CNTN1: variants seen among roughly 807,000 people sequenced by gnomAD.
CNTN1 encodes the protein contactin 1, also known as contactin-1.
A neutral mutation model predicts 126.4 loss-of-function variants in CNTN1; 38 were observed. That is an observed-to-expected ratio of 0.30 (90% confidence interval 0.23 to 0.39). CNTN1 has a LOEUF of 0.39. CNTN1 is among the 10% of genes least tolerant of loss of function. CNTN1 has a pLI of 1.00. For synonymous variants in CNTN1, 413 were observed against 422.6 expected (o/e 0.98, Z 0.28); for missense variants, 1,009 against 1,248.4 (o/e 0.81, Z 2.89).
chr12:40,972,437 G>A (rs1013478320), intron 15 of CNTN1: 4 of 983,370 alleles, frequency 4.1e-6, no homozygotes, highest in South Asian at 9.4e-5. Context: ...TCTTAGACAG[G>A]TTTGTGTTTA....
chr12:41,025,458 C>T (rs1031010570), intron 21 of CNTN1, 122 bp downstream of exon 21: 1 of 910,198 alleles, frequency 1.1e-6, no homozygotes, highest in Admixed American at 1.8e-5. Context: ...ATATCCTTTA[C>T]AGCCACACAA....
chr12:40,807,419 A>G (rs1940900086), intron 1 of CNTN1, among the ~76,000 whole-genome samples: 1 of 152,080 alleles, frequency 6.6e-6, no homozygotes, highest in African/African-American at 2.4e-5. Context: ...CATGGTAGAC[A>G]TTTCCAAAGA....
intron 6 of CNTN1, among the ~76,000 whole-genome samples, chr12:40,925,942 A>G (rs1945668338): frequency 6.7e-6 from 1 of 150,040 alleles, no homozygotes. Context: ...CTATCCAGTG[A>G]CTACATTTGA....
intron 15 of CNTN1, among the ~76,000 whole-genome samples, chr12:40,974,397 C>T (rs1947614296): frequency 6.6e-6 from 1 of 151,676 alleles, no homozygotes; most frequent in East Asian, 1.9e-4. Flanking sequence ...AGCCCAGGAG[C>T]TCAAGGCCAG....
rs200899394 is a variant in CNTN1, at chr12:40,970,414, C to CT, written c.1805-10487dup. ...CTTAAAATGTCAAATGTCTTACGAC[C>CT]TTTTTTTTACTATTTACCGTAAGGA... On this transcript the variant is annotated intron_variant, in intron 15 of 23. Transcript: ENST00000551295. Among the ~76,000 whole-genome samples, 159 of 151,864 alleles carry CT rather than the reference C, an allele frequency of 1.0e-3. 1 individual carries two copies. In the East Asian group the frequency reaches 0.018, roughly 17 times the overall value.
intron 4 of CNTN1, 131 bp from the exon 5 acceptor site, chr12:40,922,125 C>G: frequency 1.3e-6 from 1 of 753,306 alleles, no homozygotes; most frequent in Non-Finnish European, 2.3e-6. Flanking sequence ...AAAGAAATAC[C>G]ACCTGAATCA....
chr12:40,885,636 T>G (rs916232555), intron 1 of CNTN1, among the ~76,000 whole-genome samples: 15 of 152,008 alleles, frequency 9.9e-5, no homozygotes, highest in African/African-American at 3.6e-4. Flanking sequence ...ATTAAATGTA[T>G]TTACAGTGGT....
intron 1 of CNTN1, among the ~76,000 whole-genome samples, chr12:40,832,847 G>T (rs1182687376): frequency 2.0e-5 from 3 of 151,958 alleles, no homozygotes; most frequent in Non-Finnish European, 4.4e-5. Context: ...TATCCACTTG[G>T]CTAATCACCC....
chr12:40,786,800 A>G (rs1199347955), intron 1 of CNTN1, among the ~76,000 whole-genome samples: 1 of 152,136 alleles, frequency 6.6e-6, no homozygotes, highest in Non-Finnish European at 1.5e-5. Context: ...AAGATACTAG[A>G]ATGTGGGATC....
At chr12:41,032,992 A>T (rs1449257212) in intron 23 of CNTN1, among the ~76,000 whole-genome samples, 2 of 152,236 alleles carry the variant, frequency 1.3e-5, no homozygotes, top group African/African-American at 4.8e-5. Flanking sequence ...ACTTAAAACT[A>T]TAGTTTTCAT....
At chr12:40,945,736 G>T (rs1203467105) in intron 14 of CNTN1, among the ~76,000 whole-genome samples, 1 of 149,398 alleles carries the variant, frequency 6.7e-6, no homozygotes, top group Non-Finnish European at 1.5e-5. Context: ...AAAAAAAACA[G>T]GAAAACAAAG....
chr12:40,808,596 A>G (rs1183950382), intron 1 of CNTN1, among the ~76,000 whole-genome samples: 2 of 152,212 alleles, frequency 1.3e-5, no homozygotes, highest in Non-Finnish European at 2.9e-5. Flanking sequence ...TTAATTATTA[A>G]TGATGACTGT....
intron 1 of CNTN1, among the ~76,000 whole-genome samples, chr12:40,843,108 C>G (rs1942352576): frequency 6.6e-6 from 1 of 152,136 alleles, no homozygotes; most frequent in Non-Finnish European, 1.5e-5. Flanking sequence ...CCAATGAAAA[C>G]TAACTCCTTT....
intron 1 of CNTN1, among the ~76,000 whole-genome samples, chr12:40,732,633 A>G (rs1942529059): frequency 6.6e-6 from 1 of 152,100 alleles, no homozygotes; most frequent in South Asian, 2.1e-4. Flanking sequence ...AAGAACATTG[A>G]AATCCATATT....
At chr12:40,855,381 C>T (rs939717310) in intron 1 of CNTN1, among the ~76,000 whole-genome samples, 6 of 151,904 alleles carry the variant, frequency 3.9e-5, no homozygotes, top group Admixed American at 2.6e-4. Flanking sequence ...ATTCAATGCT[C>T]GTCATTATCT....
chr12:41,017,122 T>C (rs1186891341), intron 19 of CNTN1, among the ~76,000 whole-genome samples: 1 of 152,172 alleles, frequency 6.6e-6, no homozygotes, highest in Non-Finnish European at 1.5e-5. Context: ...TTTTTCATCA[T>C]TTAGATCATG....
chr12:40,916,925 G>A (rs1405914781), intron 3 of CNTN1, among the ~76,000 whole-genome samples: 1 of 151,978 alleles, frequency 6.6e-6, no homozygotes, highest in Non-Finnish European at 1.5e-5. Flanking sequence ...TGGTGGTTAT[G>A]GAATATGTCT....
intron 3 of CNTN1, among the ~76,000 whole-genome samples, chr12:40,915,944 A>G (rs962652243): frequency 6.6e-6 from 1 of 152,254 alleles, no homozygotes; most frequent in African/African-American, 2.4e-5. Context: ...AAGTGTATGC[A>G]TACTTGCAAC....
chr12:41,027,710 A>T, intron 21 of CNTN1, 147 bp from the exon 22 acceptor site: 1 of 691,446 alleles, frequency 1.4e-6, no homozygotes, highest in South Asian at 1.5e-5. Flanking sequence ...TAAAGTGCTT[A>T]GCATAGTGCC....
Sources: allele counts gnomAD v4.1 joint callset (sites outside exome capture counted in the v4.1 genomes callset), GRCh38; gene constraint gnomAD v4.1.1; transcripts MANE v1.5; gene names NCBI Gene and HGNC (gene_info 2026-07-23, HGNC 2026-07-21).